PRKCB: variants seen among roughly 807,000 people sequenced by gnomAD.
PRKCB encodes protein kinase C beta type.
A neutral mutation model predicts 81.5 loss-of-function variants in PRKCB; 13 were observed. The ratio of observed to expected loss-of-function variants is 0.16; its 90% CI spans 0.10 to 0.25. The LOEUF is 0.25. Among genes scored for constraint, PRKCB ranks in the 10% least tolerant of loss-of-function variants. The pLI is 1.00. For synonymous variants in PRKCB, 335 were observed against 321.4 expected (o/e 1.04, Z -0.45); for missense variants, 509 against 875.7 (o/e 0.58, Z 5.29).
intron 3 of PRKCB, among the ~76,000 whole-genome samples, chr16:23,991,435 G>A (rs2141823945): frequency 6.6e-6 from 1 of 152,268 alleles, no homozygotes. Flanking sequence ...GGAGTTTGGG[G>A]AGACTGCCCT....
At chr16:24,176,328 A>C (rs193219650) in intron 12 of PRKCB, among the ~76,000 whole-genome samples, 22 of 152,316 alleles carry the variant, frequency 1.4e-4, no homozygotes, top group Non-Finnish European at 2.6e-4. Flanking sequence ...CAAGAGGATC[A>C]CTTGAGCCCA....
intron 2 of PRKCB, among the ~76,000 whole-genome samples, chr16:23,863,206 G>GTATATATA (rs1321862427): frequency 8.3e-5 from 5 of 60,544 alleles, no homozygotes; most frequent in South Asian, 8.2e-4. Context: ...GTATATATGT[G>GTATATATA]TATATATACA....
chr16:24,192,991 C>A (rs1380814709), intron 16 of PRKCB, among the ~76,000 whole-genome samples: 1 of 151,950 alleles, frequency 6.6e-6, no homozygotes, highest in Non-Finnish European at 1.5e-5. Flanking sequence ...ACAGGGTCTT[C>A]TTCTGTTACC....
At chr16:23,944,115 A>G (rs1964174574) in intron 2 of PRKCB, among the ~76,000 whole-genome samples, 1 of 152,186 alleles carries the variant, frequency 6.6e-6, no homozygotes, top group African/African-American at 2.4e-5. Context: ...TACTGCCTGA[A>G]GTCTCAGAAT....
intron 2 of PRKCB, among the ~76,000 whole-genome samples, chr16:23,863,093 TATATA>T (rs1351492729): frequency 8.8e-5 from 13 of 148,180 alleles, no homozygotes; most frequent in Admixed American, 8.1e-4. Flanking sequence ...TATATATGAT[TATATA>T]ATATATAACA....
At chr16:24,214,563 A>G (rs2141995714) in intron 16 of PRKCB, 95 bp from the exon 17 acceptor site, 2 of 997,332 alleles carry the variant, frequency 2.0e-6, no homozygotes, top group East Asian at 2.5e-5. Context: ...GAATGGAGAA[A>G]AGCACACCCA....
At chr16:24,191,755 A>G (rs1219093157) in intron 16 of PRKCB, among the ~76,000 whole-genome samples, 1 of 152,230 alleles carries the variant, frequency 6.6e-6, no homozygotes, top group East Asian at 1.9e-4. Flanking sequence ...TGAAGCAGAG[A>G]CTGAAGTCCT....
intron 5 of PRKCB, among the ~76,000 whole-genome samples, chr16:24,077,833 T>C (rs1249821398): frequency 6.6e-6 from 1 of 152,196 alleles, no homozygotes; most frequent in Non-Finnish European, 1.5e-5. Context: ...TGCCTCTCAG[T>C]TTTTAAAAAT....
intron 8 of PRKCB, among the ~76,000 whole-genome samples, chr16:24,117,086 T>TTTTAATGTTTTATGTTTAATGTTTAATG (rs1263356119): frequency 0.023 from 3,430 of 152,218 alleles, 141 homozygotes; most frequent in African/African-American, 0.077. Context: ...TAAAAAAATG[T>TTTTAATGTTTTATGTTTAATGTTTAATG]TTCCAACAGA....
chr16:23,891,236 A>G (rs1174144068), intron 2 of PRKCB, among the ~76,000 whole-genome samples: 1 of 152,038 alleles, frequency 6.6e-6, no homozygotes, highest in Non-Finnish European at 1.5e-5. Flanking sequence ...TATTTTTGGT[A>G]GAGATGGGGT....
intron 8 of PRKCB, 40 bp downstream of exon 8, chr16:24,113,109 T>C: frequency 6.6e-7 from 1 of 1,519,020 alleles, no homozygotes; most frequent in Non-Finnish European, 9.1e-7. Context: ...CTTTTTTCTC[T>C]TTCTTTTTTC....
chr16:24,039,280 G>A (rs1268633360), intron 5 of PRKCB, among the ~76,000 whole-genome samples: 1 of 152,128 alleles, frequency 6.6e-6, no homozygotes, highest in East Asian at 1.9e-4. Flanking sequence ...CCAGGCTGGA[G>A]TGCAGTGGCA....
chr16:24,205,839 G>A (rs1567412604), intron 16 of PRKCB, among the ~76,000 whole-genome samples: 1 of 152,108 alleles, frequency 6.6e-6, no homozygotes, highest in Non-Finnish European at 1.5e-5. Context: ...ATTATAGACT[G>A]AGATATACCA....
At position 24,215,730 on chromosome 16, in the gene PRKCB, G is replaced by A. The variant is rs1640322729; in HGVS notation, c.*914G>A. The A allele has an allele frequency of 3.0e-6, 3 of 985,638 alleles. No homozygotes were observed. Among genetic ancestry groups the A allele is most frequent in the Non-Finnish European group, 3.6e-6 (3 of 829,822 alleles). 61.1% of individuals were successfully genotyped at this position (985,638 alleles called of 1,614,324 possible). ...TTCAAATGTTATTAACCACAATGAC[G>A]ACCTGCTTTGATTTAACCAAGAAGA... is the stretch of plus-strand genomic sequence containing the variant. On this transcript the variant is annotated 3_prime_UTR_variant, in exon 17 of 17. Coordinates refer to ENST00000643927, the MANE Select transcript of PRKCB (RefSeq NM_002738.7).
intron 2 of PRKCB, among the ~76,000 whole-genome samples, chr16:23,965,936 C>T (rs1964481837): frequency 6.6e-6 from 1 of 152,196 alleles, no homozygotes; most frequent in Non-Finnish European, 1.5e-5. Flanking sequence ...AGTAGATCAG[C>T]CAAGTTTGAA....
At chr16:23,848,993 C>T (rs1025854476) in intron 2 of PRKCB, among the ~76,000 whole-genome samples, 4 of 152,180 alleles carry the variant, frequency 2.6e-5, no homozygotes, top group African/African-American at 7.2e-5. Flanking sequence ...GCTTACATGT[C>T]GTGGTCAATA....
intron 2 of PRKCB, among the ~76,000 whole-genome samples, chr16:23,896,901 CA>C (rs1963388005): frequency 6.6e-6 from 1 of 151,848 alleles, no homozygotes; most frequent in African/African-American, 2.4e-5. Flanking sequence ...TCCATCCATC[CA>C]TCCATCCATC....
intron 2 of PRKCB, among the ~76,000 whole-genome samples, chr16:23,854,017 GC>G (rs1315966050): frequency 7.3e-6 from 1 of 137,784 alleles, no homozygotes; most frequent in Admixed American, 7.5e-5. Flanking sequence ...CAGGGGAACT[GC>G]CCTTTATAAA....
intron 10 of PRKCB, among the ~76,000 whole-genome samples, chr16:24,158,596 G>GTATA (rs1249664327): frequency 1.3e-5 from 2 of 151,390 alleles, no homozygotes; most frequent in Non-Finnish European, 2.9e-5. Context: ...ATATGTATAT[G>GTATA]TGTGTGTATG....
Sources: allele counts gnomAD v4.1 joint callset (sites outside exome capture counted in the v4.1 genomes callset), GRCh38; gene constraint gnomAD v4.1.1; transcripts MANE v1.5; gene names NCBI Gene and HGNC (gene_info 2026-07-23, HGNC 2026-07-21).